Variants in KAZN observed in about 807,000 individuals in gnomAD.
KAZN encodes kazrin, periplakin interacting protein.
A neutral mutation model predicts 87.4 loss-of-function variants in KAZN; 40 were observed. The ratio of observed to expected loss-of-function variants is 0.46; its 90% confidence interval spans 0.36 to 0.60. The LOEUF (loss-of-function observed/expected upper bound fraction) is 0.60, where lower values mean the gene tolerates loss of function less well. Among genes scored for constraint, KAZN ranks in the 20% least tolerant of loss-of-function variants. KAZN has a pLI of 0.00. For missense variants in KAZN, 898 were observed against 1,073.9 expected (o/e 0.84, Z 2.29); for synonymous variants, 466 against 458.3 (o/e 1.02, Z -0.22).
rs537165515 is a variant in KAZN, at chr1:14,762,045, C to A, written c.226+162822C>A. On this transcript the variant is annotated intron_variant, in intron 1 of 14. Transcript: ENST00000376030. Reference sequence around the variant, plus strand: ...TTCCTTGGCTCCAAAGCATCTGATGCTTTTCATAAGGACACCTGTGACCTG... The same window carrying A: ...TTCCTTGGCTCCAAAGCATCTGATGATTTTCATAAGGACACCTGTGACCTG... Among the ~76,000 whole-genome samples the A allele has an allele frequency of 5.9e-5, 9 of 152,270 alleles. No homozygotes were observed. The South Asian group carries it at 1.9e-3, about 32-fold the overall frequency.
intron 1 of KAZN, among the ~76,000 whole-genome samples, chr1:14,702,672 C>T (rs1433488632): frequency 1.3e-5 from 2 of 152,240 alleles, no homozygotes; most frequent in South Asian, 2.1e-4. Context: ...CCGAACTCAA[C>T]TCACAGTCTT....
At chr1:14,056,472 G>C (rs1642560421) in intron 1 of KAZN, among the ~76,000 whole-genome samples, 1 of 152,210 alleles carries the variant, frequency 6.6e-6, no homozygotes, top group African/African-American at 2.4e-5. Flanking sequence ...GGAGCTTCCA[G>C]AAGGGACCCA....
intron 1 of KAZN, among the ~76,000 whole-genome samples, chr1:14,786,778 C>T (rs1340953054): frequency 2.6e-5 from 4 of 152,206 alleles, no homozygotes; most frequent in African/African-American, 9.7e-5. Context: ...CCCTCAGCTC[C>T]TGCAAGACAT....
intron 1 of KAZN, among the ~76,000 whole-genome samples, chr1:13,901,768 G>A (rs1223272996): frequency 6.6e-6 from 1 of 152,234 alleles, no homozygotes; most frequent in African/African-American, 2.4e-5. Flanking sequence ...TCCACTGTTT[G>A]ACAGGCATCT....
At chr1:15,057,290 G>C (rs1638377714) in intron 5 of KAZN, among the ~76,000 whole-genome samples, 1 of 152,212 alleles carries the variant, frequency 6.6e-6, no homozygotes, top group Admixed American at 6.5e-5. Context: ...ATGTGTAAAA[G>C]GGGCATTAGG....
At chr1:14,260,852 C>CA (rs1309210028) in intron 2 of KAZN, among the ~76,000 whole-genome samples, 1 of 152,212 alleles carries the variant, frequency 6.6e-6, no homozygotes, top group Non-Finnish European at 1.5e-5. Flanking sequence ...GTCGCCGTCA[C>CA]AGGTTTCACA....
intron 2 of KAZN, among the ~76,000 whole-genome samples, chr1:14,354,689 A>AC (rs1571373223): frequency 1.7e-4 from 14 of 80,660 alleles, no homozygotes; most frequent in South Asian, 5.0e-4. Flanking sequence ...CACACACACA[A>AC]ACAAACCTGA....
At chr1:14,485,365 G>A (rs550078099) in intron 2 of KAZN, among the ~76,000 whole-genome samples, 3 of 152,282 alleles carry the variant, frequency 2.0e-5, no homozygotes, top group Non-Finnish European at 2.9e-5. Context: ...GGTAGGAGGT[G>A]GGACTCAACT....
chr1:14,650,454 G>C (rs1360050135), intron 1 of KAZN, among the ~76,000 whole-genome samples: 2 of 152,138 alleles, frequency 1.3e-5, no homozygotes, highest in African/African-American at 4.8e-5. Flanking sequence ...GCAGGAGGAT[G>C]GCCTGGGCCC....
intron 2 of KAZN, among the ~76,000 whole-genome samples, chr1:14,290,221 C>T (rs1455140650): frequency 6.6e-6 from 1 of 152,160 alleles, no homozygotes; most frequent in Admixed American, 6.5e-5. Context: ...TGAATGTTGG[C>T]CTACTTTGCT....
chr1:14,126,939 C>G (rs1485106861), intron 1 of KAZN, among the ~76,000 whole-genome samples: 4 of 152,158 alleles, frequency 2.6e-5, no homozygotes, highest in African/African-American at 9.7e-5. Context: ...AACCCCGTCT[C>G]TACTAAAAAT....
intron 1 of KAZN, among the ~76,000 whole-genome samples, chr1:14,845,709 C>T (rs1043086553): frequency 6.6e-6 from 1 of 152,210 alleles, no homozygotes; most frequent in Non-Finnish European, 1.5e-5. Context: ...AGGTGCTCTT[C>T]AAGAGGTATG....
chr1:14,364,898 T>C (rs184549580), intron 2 of KAZN, among the ~76,000 whole-genome samples: 53 of 152,240 alleles, frequency 3.5e-4, no homozygotes, highest in Non-Finnish European at 2.6e-4. Context: ...TTCCTCTGTT[T>C]TTTTGTTTTG....
intron 1 of KAZN, among the ~76,000 whole-genome samples, chr1:14,742,515 C>A (rs998142099): frequency 3.3e-5 from 5 of 152,144 alleles, no homozygotes; most frequent in Admixed American, 6.6e-5. Flanking sequence ...GAAAAAAAAA[C>A]CAATGAGTCA....
chr1:14,807,037 A>C (rs1006758642), intron 1 of KAZN, among the ~76,000 whole-genome samples: 4 of 152,050 alleles, frequency 2.6e-5, no homozygotes, highest in Non-Finnish European at 5.9e-5. Flanking sequence ...GGCAGAGGCC[A>C]CTTCTGCTGG....
At chr1:14,837,657 A>T (rs1345444037) in intron 1 of KAZN, among the ~76,000 whole-genome samples, 1 of 150,452 alleles carries the variant, frequency 6.6e-6, no homozygotes, top group African/African-American at 2.5e-5. Flanking sequence ...GGCTCAAGAG[A>T]TCCTCCCACC....
intron 1 of KAZN, among the ~76,000 whole-genome samples, chr1:14,833,053 A>G (rs1330009250): frequency 6.6e-6 from 1 of 152,226 alleles, no homozygotes; most frequent in Non-Finnish European, 1.5e-5. Context: ...CTTAATCATA[A>G]ATAAAAGATA....
chr1:14,509,511 T>C (rs1381238359), intron 2 of KAZN, among the ~76,000 whole-genome samples: 1 of 152,192 alleles, frequency 6.6e-6, no homozygotes, highest in Admixed American at 6.5e-5. Context: ...CAATGTTCTA[T>C]CTGAAATGAC....
At chr1:14,971,681 CTTTTTT>C (rs1009399616) in intron 2 of KAZN, among the ~76,000 whole-genome samples, 4 of 104,820 alleles carry the variant, frequency 3.8e-5, no homozygotes, top group African/African-American at 1.5e-4. Flanking sequence ...TTTTCTTTTT[CTTTTTT>C]TTTTTTTTTT....
Sources: allele counts gnomAD v4.1 joint callset (sites outside exome capture counted in the v4.1 genomes callset), GRCh38; gene constraint gnomAD v4.1.1; transcripts MANE v1.5; gene names NCBI Gene and HGNC (gene_info 2026-07-23, HGNC 2026-07-21).